The following SLC26A9 variants were observed in gnomAD, a reference collection of about 807,000 sequenced individuals.
SLC26A9 encodes the protein solute carrier family 26 member 9, also known as anion transporter/exchanger protein 9.
In SLC26A9, 46 loss-of-function variants were observed where a neutral mutation model predicts 87.1. The observed-to-expected ratio is 0.53, with a 90% CI of 0.42 to 0.67. The LOEUF is 0.67. Among genes scored for constraint, SLC26A9 ranks in the 30% least tolerant of loss-of-function variants. The probability of loss-of-function intolerance (pLI) is 0.00; values close to 1 mark genes in which losing one functional copy is unlikely to be tolerated. For synonymous variants in SLC26A9, 437 were observed against 409.1 expected (o/e 1.07, Z -0.82); for missense variants, 927 against 1,018.3 (o/e 0.91, Z 1.22).
At chr1:205,921,052 A>G (rs565359327) in intron 17 of SLC26A9, among the ~76,000 whole-genome samples, 1 of 152,272 alleles carries the variant, frequency 6.6e-6, no homozygotes, top group African/African-American at 2.4e-5. Flanking sequence ...GCCAGCTCTG[A>G]GGTTTGCTGA....
chr1:205,920,451 C>T (rs539024240), intron 17 of SLC26A9, among the ~76,000 whole-genome samples: 2 of 152,202 alleles, frequency 1.3e-5, no homozygotes, highest in African/African-American at 4.8e-5. Context: ...CTTTTGCCAA[C>T]GTGGCGGGCA....
At chr1:205,932,085 A>G (rs769860399) in intron 4 of SLC26A9, 50 bp from the exon 5 acceptor site, 14 of 1,600,326 alleles carry the variant, frequency 8.7e-6, no homozygotes, top group East Asian at 4.5e-5. Context: ...AACCACACCG[A>G]TGGAAACCAG....
chr1:205,915,313 A>T lies in SLC26A9; in HGVS notation c.*44T>A, dbSNP rs1558116885. 1.2e-6 allele frequency: 2 copies of T among 1,613,556 alleles called. No individual in the cohort carries two copies. Among genetic ancestry groups the T allele is most frequent in the Non-Finnish European group, 1.7e-6 (2 of 1,179,712 alleles). ...CAGGCTCATCCTTTATGGAAGTCCC[A>T]AGTGCCAGGCACTCTGTAGGCAGCA... On this transcript the variant is annotated 3_prime_UTR_variant, in exon 21 of 21. Transcript: ENST00000367135.
chr1:205,917,307 A>T lies in SLC26A9; in HGVS notation c.2304T>A (p.Ile768=). 6.2e-7 allele frequency: 1 copy of T among 1,613,860 alleles called. No individual in the cohort carries two copies. Among genetic ancestry groups the T allele is most frequent in the Non-Finnish European group, 8.5e-7 (1 of 1,179,948 alleles). ...ELSLYDSEED[I]RSYWDLEQEM... is the part of the protein sequence containing the mutation. ...CCTGCTCTAAGTCCCAGTAGCTGCG[A>T]ATGTCCTCCTCTGAGTCGTACAAGG... Residue 768 remains isoleucine (I), a synonymous_variant, in exon 20 of 21, where the codon ATT becomes ATA. Coordinates refer to ENST00000367135, the MANE Select transcript of SLC26A9 (RefSeq NM_052934.4).
At chr1:205,937,822 C>A (rs1030757640) in intron 1 of SLC26A9, among the ~76,000 whole-genome samples, 1 of 151,982 alleles carries the variant, frequency 6.6e-6, no homozygotes, top group South Asian at 2.1e-4. Flanking sequence ...CCCAGAGCTG[C>A]AGACCTTGCT....
chr1:205,942,752 T>C (rs140945906), intron 1 of SLC26A9, among the ~76,000 whole-genome samples: 1 of 152,200 alleles, frequency 6.6e-6, no homozygotes, highest in Non-Finnish European at 1.5e-5. Flanking sequence ...GCCTGCCTGA[T>C]GGAGCTGGTC....
chr1:205,938,554 G>A (rs998781640), intron 1 of SLC26A9, among the ~76,000 whole-genome samples: 2 of 151,918 alleles, frequency 1.3e-5, no homozygotes, highest in Non-Finnish European at 2.9e-5. Context: ...CTGTTGGCTG[G>A]GTCCCTCCAC....
At chr1:205,929,673 G>A (rs766816112) in intron 6 of SLC26A9, among the ~76,000 whole-genome samples, 11 of 152,166 alleles carry the variant, frequency 7.2e-5, no homozygotes, top group Admixed American at 1.3e-4. Context: ...GGGAACTGGC[G>A]GAGAATGTAC....
chr1:205,927,357 A>G lies in SLC26A9; in HGVS notation c.1216-69T>C, dbSNP rs1659116149. 8 of 1,587,702 alleles carry G rather than the reference A, an allele frequency of 5.0e-6. No homozygotes were observed. In the East Asian group the frequency reaches 1.6e-4, roughly 31 times the overall value. On this transcript the variant is annotated intron_variant, in intron 10 of 20. Transcript: ENST00000367135. The stretch of plus-strand genomic sequence containing the variant: ...TTTGCTCTTGATTTACTTCCAATCC[A>G]TGGCTTTGGTGGAGTGGAGACTAAG...
At position 205,926,372 on chromosome 1, in the gene SLC26A9, A is replaced by G. The variant is rs557886032; in HGVS notation, c.1389+163T>C. Reference sequence around the variant, plus strand: ...CAGATGGCTGAGTTAGGGTTTGAACATAGGATGTTTCACTTCGAAACTCGG... The same window carrying G: ...CAGATGGCTGAGTTAGGGTTTGAACGTAGGATGTTTCACTTCGAAACTCGG... On this transcript the variant is annotated intron_variant, in intron 12 of 20. Coordinates refer to ENST00000367135, the MANE Select transcript of SLC26A9 (RefSeq NM_052934.4). 2.6e-5 allele frequency among the ~76,000 whole-genome samples: 4 copies of G among 152,310 alleles called. No homozygotes were observed. In the East Asian group the frequency reaches 7.7e-4, roughly 29 times the overall value.
Position 205,933,048 on chromosome 1 carries a change from C to T in SLC26A9, c.162G>A (p.Gly54=), listed in dbSNP as rs1659371331. 7 of 1,614,140 alleles carry T rather than the reference C, an allele frequency of 4.3e-6. No homozygotes were observed. The South Asian group carries it at 5.5e-5, about 13-fold the overall frequency. The part of the protein sequence containing the change: ...SSAKIKAVVF[G]LLPVLSWLPK... ...GGAGCCAGGAGAGCACAGGCAGCAG[C>T]CCAAACACCACAGCTTTGATCTTGG... is the stretch of plus-strand genomic sequence containing the variant. Residue 54 remains glycine (G), a synonymous_variant, in exon 3 of 21, where the codon GGG becomes GGA. Transcript: ENST00000367135.
At chr1:205,919,178 C>T (rs1658719559) in intron 18 of SLC26A9, among the ~76,000 whole-genome samples, 193 bp from the exon 19 acceptor site, 1 of 152,158 alleles carries the variant, frequency 6.6e-6, no homozygotes, top group African/African-American at 2.4e-5. Context: ...CTTGAGGATG[C>T]TGAAGTTTCA....
chr1:205,914,833 C>T lies in SLC26A9; in HGVS notation c.*524G>A, dbSNP rs573640097. 1 of 1,562,858 alleles carries T rather than the reference C, an allele frequency of 6.4e-7. No homozygotes were observed. Among genetic ancestry groups the T allele is most frequent in the Non-Finnish European group, 8.7e-7 (1 of 1,151,660 alleles). ...CACATGGTCCCTGGGTGCAGAGCTGCCAGAGACAGAGTTGAGGCAGCTGGG... is the reference window on the plus strand; with the variant it reads ...CACATGGTCCCTGGGTGCAGAGCTGTCAGAGACAGAGTTGAGGCAGCTGGG... On this transcript the variant is annotated 3_prime_UTR_variant, in exon 21 of 21. Coordinates refer to ENST00000367135, the MANE Select transcript of SLC26A9 (RefSeq NM_052934.4).
chr1:205,939,279 T>A (rs550790707), intron 1 of SLC26A9, among the ~76,000 whole-genome samples: 4 of 152,330 alleles, frequency 2.6e-5, no homozygotes, highest in Non-Finnish European at 4.4e-5. Context: ...GCTTCAGACC[T>A]TCCAGGGACA....
At chr1:205,939,832 C>G (rs1249833921) in intron 1 of SLC26A9, among the ~76,000 whole-genome samples, 1 of 152,132 alleles carries the variant, frequency 6.6e-6, no homozygotes, top group African/African-American at 2.4e-5. Context: ...GTTAAACAAA[C>G]AAACAGCCAT....
chr1:205,913,143 G>GC lies in SLC26A9; in HGVS notation c.*2213_*2214insG, dbSNP rs1239765835. 4.6e-5 allele frequency: 7 copies of GC among 152,178 alleles called. No homozygotes were observed. The East Asian group carries it at 1.3e-3, about 29-fold the overall frequency. The allele number at this position is 152,178 out of a possible 1,614,324, so 9.4% of individuals were successfully genotyped here. ...TTATGCAAATATCTCAAGAGATAAG[G>GC]TTCCCAGTCCTCCCTGGGAATTATA... is the stretch of plus-strand genomic sequence containing the variant. On this transcript the variant is annotated 3_prime_UTR_variant, in exon 21 of 21. Coordinates refer to ENST00000367135, the MANE Select transcript of SLC26A9 (RefSeq NM_052934.4).
intron 19 of SLC26A9, 77 bp from the exon 20 acceptor site, chr1:205,917,431 G>A (rs1316564368): frequency 6.9e-7 from 1 of 1,456,404 alleles, no homozygotes; most frequent in East Asian, 2.3e-5. Flanking sequence ...CAGGAAAAGG[G>A]ACAGGTGGCC....
At chr1:205,939,416 C>G (rs1037073180) in intron 1 of SLC26A9, among the ~76,000 whole-genome samples, 46 of 152,276 alleles carry the variant, frequency 3.0e-4, no homozygotes, top group African/African-American at 1.0e-3. Context: ...CTCTTGAGGG[C>G]TCTGGTTCCC....
Position 205,914,746 on chromosome 1 carries a change from C to T in SLC26A9, c.*611G>A, listed in dbSNP as rs1658502007. The stretch of plus-strand genomic sequence containing the variant: ...CTGACAGCAGTGGTGGTTTGGGCAG[C>T]CTTGGGGATGATGGAGGGGGGGCGC... On this transcript the variant is annotated 3_prime_UTR_variant, in exon 21 of 21. Coordinates refer to ENST00000367135, the MANE Select transcript of SLC26A9 (RefSeq NM_052934.4). The T allele has an allele frequency of 9.7e-7, 1 of 1,033,924 alleles. No individual in the cohort carries two copies. The highest frequency in any genetic ancestry group is 1.4e-6 in the Non-Finnish European group (1 of 714,958). The allele number at this position is 1,033,924 out of a possible 1,614,324, so 64.0% of individuals were successfully genotyped here. A position where few individuals can be genotyped will look rare whatever the true frequency, so the allele number is the denominator to read the frequency against.
Sources: allele counts gnomAD v4.1 joint callset (sites outside exome capture counted in the v4.1 genomes callset), GRCh38; gene constraint gnomAD v4.1.1; transcripts MANE v1.5; gene names NCBI Gene and HGNC (gene_info 2026-07-23, HGNC 2026-07-21).